The following PPFIA2 variants were observed in gnomAD, a reference collection of about 807,000 sequenced individuals.
The protein encoded by PPFIA2 is PPFI scaffold protein A2, also known as liprin-alpha-2.
In PPFIA2, 46 loss-of-function variants were observed where a neutral mutation model predicts 175.5. That is an observed-to-expected ratio of 0.26 (90% CI 0.21 to 0.34). PPFIA2 has a LOEUF of 0.34. Among genes scored for constraint, PPFIA2 ranks in the 10% least tolerant of loss-of-function variants. The pLI, the probability that PPFIA2 is intolerant of heterozygous loss-of-function variation, is 1.00. For missense variants in PPFIA2, 1,179 were observed against 1,506.1 expected (o/e 0.78, Z 3.60); for synonymous variants, 568 against 511.4 (o/e 1.11, Z -1.49).
intron 3 of PPFIA2, 68 bp from the exon 4 acceptor site, chr12:81,676,912 G>A (rs2072630778): frequency 8.6e-7 from 1 of 1,158,194 alleles, no homozygotes; most frequent in Admixed American, 3.1e-5. Flanking sequence ...CAGTCCCACA[G>A]TGTAATAATT....
At chr12:81,391,141 TATC>T (rs1021673085) in intron 8 of PPFIA2, among the ~76,000 whole-genome samples, 26 of 151,940 alleles carry the variant, frequency 1.7e-4, no homozygotes, top group Non-Finnish European at 3.5e-4. Context: ...AATAAAGTAT[TATC>T]ATAAAGTTTT....
At chr12:81,530,021 C>T (rs1429696792) in intron 4 of PPFIA2, among the ~76,000 whole-genome samples, 1 of 151,794 alleles carries the variant, frequency 6.6e-6, no homozygotes, top group Non-Finnish European at 1.5e-5. Flanking sequence ...ATGCTATAAA[C>T]TAAAATAAGA....
chr12:81,297,111 C>T (rs1311853852), intron 23 of PPFIA2, among the ~76,000 whole-genome samples: 2 of 152,116 alleles, frequency 1.3e-5, no homozygotes, highest in African/African-American at 2.4e-5. Context: ...TTCTGGCCAA[C>T]AGCCAGCAGG....
chr12:81,424,156 A>C (rs928907354), intron 7 of PPFIA2, among the ~76,000 whole-genome samples: 2 of 152,076 alleles, frequency 1.3e-5, no homozygotes, highest in African/African-American at 4.8e-5. Flanking sequence ...TTAATAAGGA[A>C]ATTTCAGAAT....
intron 4 of PPFIA2, among the ~76,000 whole-genome samples, chr12:81,578,185 C>G (rs1269210154): frequency 6.6e-6 from 1 of 151,648 alleles, no homozygotes; most frequent in Non-Finnish European, 1.5e-5. Context: ...TAGGTAGAAG[C>G]TGAAATGCCT....
At chr12:81,456,804 C>A (rs1010869505) in intron 5 of PPFIA2, among the ~76,000 whole-genome samples, 4 of 151,934 alleles carry the variant, frequency 2.6e-5, no homozygotes, top group African/African-American at 9.7e-5. Context: ...TGTTACATGG[C>A]ATGTCATATG....
rs138326511 is a variant in PPFIA2 at position 81,633,783 on chromosome 12, A to G, written c.303+43008T>C. On this transcript the variant is annotated intron_variant, in intron 4 of 32. Transcript: ENST00000549396. ...ATAGGAGAGTATAAAATTAGCCATAATTCCTTATTAGGATGGTATTTAAGG... is the reference window on the plus strand; with the variant it reads ...ATAGGAGAGTATAAAATTAGCCATAGTTCCTTATTAGGATGGTATTTAAGG... 2.6e-5 allele frequency among the ~76,000 whole-genome samples: 4 copies of G among 152,182 alleles called. No individual in the cohort carries two copies. In the East Asian group the frequency reaches 5.8e-4, roughly 22 times the overall value.
At chr12:81,685,816 G>A (rs973260182) in intron 3 of PPFIA2, among the ~76,000 whole-genome samples, 12 of 152,128 alleles carry the variant, frequency 7.9e-5, no homozygotes, top group African/African-American at 2.6e-4. Context: ...TATTGGGTAA[G>A]TGTCTCCAGG....
intron 7 of PPFIA2, among the ~76,000 whole-genome samples, chr12:81,416,497 A>G (rs931280811): frequency 1.3e-5 from 2 of 151,666 alleles, no homozygotes; most frequent in African/African-American, 4.8e-5. Flanking sequence ...AATCTCCATC[A>G]CCAAGGAAGA....
chr12:81,391,416 G>T (rs923479249), intron 8 of PPFIA2, among the ~76,000 whole-genome samples: 2 of 151,978 alleles, frequency 1.3e-5, no homozygotes, highest in Admixed American at 1.3e-4. Flanking sequence ...GGCCAGCATA[G>T]ATTACGATGG....
rs1185622943 is a variant in PPFIA2, at chr12:81,715,449, T to C, written c.249+38524A>G. ...GTAGGAGATTGCAAATAAAATTACA[T>C]TTTCTCAGATGATATCAGATTAAGC... On this transcript the variant is annotated intron_variant, in intron 3 of 32. Transcript: ENST00000549396. Among the ~76,000 whole-genome samples the C allele has an allele frequency of 1.1e-4, 17 of 151,742 alleles. No individual in the cohort carries two copies. In the Admixed American group the frequency reaches 1.1e-3, roughly 10 times the overall value.
chr12:81,638,561 G>A (rs1483347588), intron 4 of PPFIA2, among the ~76,000 whole-genome samples: 3 of 151,608 alleles, frequency 2.0e-5, no homozygotes, highest in African/African-American at 7.3e-5. Flanking sequence ...AATATAAGAT[G>A]AATGCAAGAT....
At chr12:81,489,722 C>G (rs1369992862) in intron 4 of PPFIA2, among the ~76,000 whole-genome samples, 2 of 151,884 alleles carry the variant, frequency 1.3e-5, no homozygotes, top group African/African-American at 4.8e-5. Flanking sequence ...CTATAGTGTA[C>G]AAGCTATACA....
At chr12:81,418,302 T>C (rs961632183) in intron 7 of PPFIA2, among the ~76,000 whole-genome samples, 13 of 151,874 alleles carry the variant, frequency 8.6e-5, no homozygotes, top group African/African-American at 2.9e-4. Context: ...AATAAAGGTT[T>C]TTTTATTTAC....
chr12:81,409,905 C>G (rs998514129), intron 7 of PPFIA2, among the ~76,000 whole-genome samples: 15 of 152,216 alleles, frequency 9.9e-5, no homozygotes, highest in Admixed American at 9.8e-4. Flanking sequence ...GGGACAACTG[C>G]TATGGTTTGA....
rs1213134385 is a variant in PPFIA2, at chr12:81,405,794, T to C, written c.755A>G (p.His252Arg). The C allele has an allele frequency of 1.3e-5, 20 of 1,556,482 alleles. No homozygotes were observed. Among genetic ancestry groups the C allele is most frequent in the Admixed American group, 5.7e-5 (3 of 52,832 alleles). ...LEGMEPGQKV[H>R]EKRLSNGSID... Reference sequence around the variant, plus strand: ...ATGTGGGGTGTGTCATACCTTCTCATGGACTTTCTGTCCAGGTTCCATCCC... The same window carrying C: ...ATGTGGGGTGTGTCATACCTTCTCACGGACTTTCTGTCCAGGTTCCATCCC... The change falls in exon 8 of 33, where the codon CAT becomes CGT. Residue 252 changes from histidine to arginine, a missense_variant. Around this residue, in one of 10 missense-constraint regions of PPFIA2, gnomAD observed 226 missense variants for 216.6 expected, o/e 1.04. Coordinates refer to ENST00000549396, the MANE Select transcript of PPFIA2 (RefSeq NM_003625.5).
At chr12:81,395,632 C>T (rs2040988666) in intron 8 of PPFIA2, among the ~76,000 whole-genome samples, 2 of 152,020 alleles carry the variant, frequency 1.3e-5, no homozygotes, top group Admixed American at 6.6e-5. Flanking sequence ...CAAGATTCCC[C>T]TCTTCAGGAA....
intron 4 of PPFIA2, among the ~76,000 whole-genome samples, chr12:81,669,915 A>G (rs1452406265): frequency 2.0e-5 from 3 of 152,052 alleles, no homozygotes; most frequent in African/African-American, 7.2e-5. Flanking sequence ...TTTACATTTC[A>G]TAAAACCTGT....
intron 16 of PPFIA2, 121 bp downstream of exon 16, chr12:81,357,961 T>A: frequency 2.9e-6 from 3 of 1,047,302 alleles, no homozygotes; most frequent in Non-Finnish European, 2.6e-6. Context: ...AATGTCATAC[T>A]CTGTGTTTCA....
Sources: gnomAD v4.1 joint callset for allele counts (sites outside exome capture counted in the v4.1 genomes callset) on GRCh38, gnomAD v4.1.1 for gene constraint, gnomAD v4.1.1 regional missense constraint, MANE v1.5 for transcripts, NCBI Gene and HGNC (gene_info 2026-07-23, HGNC 2026-07-21) for gene names.